PHF6: variants seen among roughly 807,000 people sequenced by gnomAD.
PHF6 encodes PHD finger protein 6.
In PHF6, 7 loss-of-function variants were observed where a neutral mutation model predicts 34.0. The observed-to-expected ratio is 0.21, with a 90% CI of 0.12 to 0.39. The LOEUF is 0.39. Among genes scored for constraint, PHF6 ranks in the 10% least tolerant of loss-of-function variants. The pLI is 1.00. For missense variants in PHF6, 128 were observed against 262.8 expected, an observed-to-expected ratio of 0.49 and a Z score of 3.55; for synonymous variants, 89 against 88.4, an observed-to-expected ratio of 1.01 and a Z score of -0.04.
At chrX:134,390,247 T>G (rs757025950) in intron 3 of PHF6, among the ~76,000 whole-genome samples, 1 of 112,163 alleles carries the variant, frequency 8.9e-6, no homozygotes, top group Non-Finnish European at 1.9e-5. Context: ...TGCCAGAAAT[T>G]TGACTGCTTG....
intron 9 of PHF6, among the ~76,000 whole-genome samples, chrX:134,421,102 GA>G (rs889035062): frequency 2.1e-3 from 221 of 106,661 alleles, no homozygotes; most frequent in African/African-American, 5.3e-3. Context: ...TTATATAACA[GA>G]AAAAAAAAAT....
At chrX:134,380,485 A>C (rs2077302657) in intron 3 of PHF6, among the ~76,000 whole-genome samples, 1 of 111,492 alleles carries the variant, frequency 9.0e-6, no homozygotes, top group Non-Finnish European at 1.9e-5. Context: ...TACTATTATA[A>C]ATTGTTTTGA....
At chrX:134,374,283 C>G (rs1047135291) in intron 1 of PHF6, among the ~76,000 whole-genome samples, 1 of 111,891 alleles carries the variant, frequency 8.9e-6, no homozygotes, top group African/African-American at 3.3e-5. Flanking sequence ...TTATTTTCAT[C>G]GCCTTACTAC....
intron 9 of PHF6, among the ~76,000 whole-genome samples, chrX:134,421,039 T>A (rs887406748): frequency 8.9e-6 from 1 of 112,166 alleles, no homozygotes; most frequent in Non-Finnish European, 1.9e-5. Context: ...TTGGCAGTTT[T>A]ATTTAGAAGG....
rs974048220 is a variant in PHF6 at position 134,377,451 on chromosome X, T to C, written c.-46-121T>C. 12 of 475,569 alleles carry C rather than the reference T, an allele frequency of 2.5e-5. No individual in the cohort carries two copies. In the South Asian group the frequency reaches 3.9e-4, roughly 15 times the overall value. The allele number at this position is 475,569 out of a possible 1,213,427, so 39.2% of individuals were successfully genotyped here. On this transcript the variant is annotated intron_variant, in intron 1 of 10. Coordinates refer to ENST00000370803, the MANE Select transcript of PHF6 (RefSeq NM_001015877.2). ...TTAGAGTGGCTTAATTTGTCTATACTAAATAAACATTTAAAAATGTGTATA... is the reference window on the plus strand; with the variant it reads ...TTAGAGTGGCTTAATTTGTCTATACCAAATAAACATTTAAAAATGTGTATA...
Position 134,411,515 on chromosome X carries a change from T to C in PHF6, c.419-1976T>C, listed in dbSNP as rs1232348323. 3.6e-5 allele frequency among the ~76,000 whole-genome samples: 4 copies of C among 110,547 alleles called. No homozygotes were observed. In the East Asian group the frequency reaches 8.5e-4, roughly 23 times the overall value. ...GTTTAATAATGTTATTTATTAAACATCTTATTTGTTTATTGTTATTTATTA... is the reference window on the plus strand; with the variant it reads ...GTTTAATAATGTTATTTATTAAACACCTTATTTGTTTATTGTTATTTATTA... On this transcript the variant is annotated intron_variant, in intron 5 of 10. Transcript: ENST00000370803.
At chrX:134,411,237 C>T (rs1428219944) in intron 5 of PHF6, among the ~76,000 whole-genome samples, 1 of 111,330 alleles carries the variant, frequency 9.0e-6, no homozygotes, top group Non-Finnish European at 1.9e-5. Context: ...CAGGTGTGAG[C>T]CACCACACCC....
At chrX:134,409,224 A>G (rs1231341915) in intron 5 of PHF6, among the ~76,000 whole-genome samples, 2 of 111,647 alleles carry the variant, frequency 1.8e-5, no homozygotes, top group Admixed American at 1.9e-4. Context: ...TTCATATAGT[A>G]TGAGGTATCC....
intron 5 of PHF6, among the ~76,000 whole-genome samples, chrX:134,396,446 T>C (rs1346047174): frequency 1.2e-4 from 13 of 111,695 alleles, no homozygotes; most frequent in Admixed American, 3.8e-4. Flanking sequence ...TTTGGCCATG[T>C]TTTAGCACTG....
chrX:134,409,654 C>T (rs1485025065), intron 5 of PHF6, among the ~76,000 whole-genome samples: 18 of 101,645 alleles, frequency 1.8e-4, no homozygotes, highest in African/African-American at 6.4e-4. Flanking sequence ...TTTATTGTAC[C>T]TTTTTTTTTT....
In PHF6 at chrX:134,413,861, C is replaced by T. The variant is rs1569343289; in HGVS notation, c.624C>T (p.Thr208=). Residue 208 remains threonine (T), a synonymous_variant, in exon 7 of 11, where the codon ACC becomes ACT. Transcript: ENST00000370803. ...RSPHRSSPSD[T]RPKCGFCHVG... is the part of the protein sequence containing the mutation. Reference sequence around the variant, plus strand: ...CACACAGAAGCAGCCCTAGTGACACCAGGCCTAAATGTGGATTTTGCCATG... The same window carrying T: ...CACACAGAAGCAGCCCTAGTGACACTAGGCCTAAATGTGGATTTTGCCATG... The T allele has an allele frequency of 8.3e-7, 1 of 1,210,455 alleles. No homozygotes were observed. The highest frequency in any genetic ancestry group is 1.1e-6 in the Non-Finnish European group (1 of 894,601).
At chrX:134,397,396 C>G (rs1324570850) in intron 5 of PHF6, among the ~76,000 whole-genome samples, 33 of 112,004 alleles carry the variant, frequency 2.9e-4, no homozygotes, top group Non-Finnish European at 5.6e-5. Flanking sequence ...CTCCTGTAAT[C>G]CCAGCACTTT....
chrX:134,415,314 ATTACT>A (rs2077468957), intron 8 of PHF6, 194 bp downstream of exon 8: 2 of 659,912 alleles, frequency 3.0e-6, no homozygotes, highest in Non-Finnish European at 2.3e-6. Flanking sequence ...ATGTAACTTC[ATTACT>A]TTAAGAGAAT....
intron 5 of PHF6, among the ~76,000 whole-genome samples, chrX:134,398,382 C>T (rs1355635802): frequency 9.0e-6 from 1 of 111,616 alleles, no homozygotes; most frequent in Non-Finnish European, 1.9e-5. Flanking sequence ...AGAGTGAGAC[C>T]CTGTCTCTTA....
chrX:134,426,179 TTCCAAGA>T lies in PHF6; in HGVS notation c.*520_*526del, dbSNP rs1278412097. The T allele has an allele frequency of 2.5e-5, 4 of 158,317 alleles. No homozygotes were observed. The highest frequency in any genetic ancestry group is 1.2e-4 in the African/African-American group (4 of 33,130). 13.0% of individuals were successfully genotyped at this position (158,317 alleles called of 1,213,427 possible). Reference sequence around the variant, plus strand: ...TTTGACAGCACATGCTAAAAATCTCTTCCAAGAAGTATGCTAAAGCTTTTCATTTGGT... The same window carrying T: ...TTTGACAGCACATGCTAAAAATCTCTAGTATGCTAAAGCTTTTCATTTGGT... On this transcript the variant is annotated 3_prime_UTR_variant, in exon 11 of 11. Coordinates refer to ENST00000370803, the MANE Select transcript of PHF6 (RefSeq NM_001015877.2).
intron 5 of PHF6, among the ~76,000 whole-genome samples, chrX:134,404,651 A>C (rs2077415453): frequency 8.9e-6 from 1 of 111,758 alleles, no homozygotes; most frequent in South Asian, 3.7e-4. Flanking sequence ...TTCACAAAAG[A>C]AAGAGTCCAT....
intron 3 of PHF6, among the ~76,000 whole-genome samples, chrX:134,383,460 C>G (rs1291749684): frequency 1.8e-5 from 2 of 110,128 alleles, no homozygotes; most frequent in Admixed American, 2.0e-4. Context: ...ATTAAAAAAC[C>G]CTTCATATAC....
rs1453039469 is a variant in PHF6 at position 134,377,756 on chromosome X, G to C, written c.138+1G>C. 8.3e-7 allele frequency: 1 copy of C among 1,204,911 alleles called. No homozygotes were observed. The highest frequency in any genetic ancestry group is 1.1e-6 in the Non-Finnish European group (1 of 892,522). The stretch of plus-strand genomic sequence containing the variant: ...GGTGGCAGCGCACCATAAGTGCATG[G>C]TAAGTATACCGGCAGCAACAGAGAC... On this transcript the variant is annotated splice_donor_variant, in intron 2 of 10. Coordinates refer to ENST00000370803, the MANE Select transcript of PHF6 (RefSeq NM_001015877.2). LOFTEE classifies it high-confidence loss of function.
At chrX:134,405,490 C>T (rs1047819095) in intron 5 of PHF6, among the ~76,000 whole-genome samples, 4 of 111,727 alleles carry the variant, frequency 3.6e-5, no homozygotes, top group South Asian at 3.7e-4. Flanking sequence ...TGAGCCACCG[C>T]GCCCGGCCGA....
Sources: allele counts gnomAD v4.1 joint callset (sites outside exome capture counted in the v4.1 genomes callset), GRCh38; gene constraint gnomAD v4.1.1; transcripts MANE v1.5; gene names NCBI Gene and HGNC (gene_info 2026-07-23, HGNC 2026-07-21).